SP1: variants seen among roughly 807,000 people sequenced by gnomAD.
SP1 encodes Sp1 transcription factor.
A neutral mutation model predicts 66.3 loss-of-function variants in SP1; 6 were observed. That is an observed-to-expected ratio of 0.09 (90% CI 0.05 to 0.18). The LOEUF is 0.18. Among genes scored for constraint, SP1 ranks in the 10% least tolerant of loss-of-function variants. SP1 has a pLI of 1.00. For missense variants in SP1, 848 were observed against 964.5 expected (o/e 0.88, Z 1.60); for synonymous variants, 417 against 360.8 (o/e 1.16, Z -1.77).
intron 3 of SP1, among the ~76,000 whole-genome samples, chr12:53,396,295 G>A (rs536126467): frequency 4.3e-4 from 62 of 143,998 alleles, no homozygotes; most frequent in Admixed American, 3.8e-3. Flanking sequence ...AAAAGCCAGG[G>A]GCGGTGGCTC....
chr12:53,414,724 G>C lies in SP1; in HGVS notation c.*3484G>C, dbSNP rs912126191. ...AATATCTTCACATTGTGTGAATACT[G>C]GAAGCTGCAGATCTTTGCTAGGACG... On this transcript the variant is annotated 3_prime_UTR_variant, in exon 6 of 6. Coordinates refer to ENST00000327443, the MANE Select transcript of SP1 (RefSeq NM_138473.3). The C allele has an allele frequency of 6.6e-5, 10 of 152,506 alleles. No individual in the cohort carries two copies. Among genetic ancestry groups the C allele is most frequent in the Non-Finnish European group, 1.0e-4 (7 of 68,018 alleles). The allele number at this position is 152,506 out of a possible 1,614,324, so 9.4% of individuals were successfully genotyped here. A position where few individuals can be genotyped will look rare whatever the true frequency, so the allele number is the denominator to read the frequency against.
At chr12:53,398,464 G>A (rs971498219) in intron 3 of SP1, among the ~76,000 whole-genome samples, 12 of 152,124 alleles carry the variant, frequency 7.9e-5, no homozygotes, top group Admixed American at 7.9e-4. Flanking sequence ...TGTATTTTTA[G>A]TAGAGACAGG....
At chr12:53,386,531 A>G (rs1938234303) in intron 3 of SP1, among the ~76,000 whole-genome samples, 1 of 108,304 alleles carries the variant, frequency 9.2e-6, no homozygotes, top group Non-Finnish European at 1.6e-5. Context: ...TCTGTTGCCC[A>G]GGCTGTAGTG....
chr12:53,384,204 C>T (rs551736531), intron 3 of SP1, among the ~76,000 whole-genome samples: 6 of 152,042 alleles, frequency 3.9e-5, no homozygotes, highest in Non-Finnish European at 7.4e-5. Context: ...CTCCTGACCT[C>T]GTGATCCGCC....
intron 3 of SP1, among the ~76,000 whole-genome samples, chr12:53,389,346 C>T (rs1938301070): frequency 6.6e-6 from 1 of 151,158 alleles, no homozygotes; most frequent in Non-Finnish European, 1.5e-5. Flanking sequence ...CTCAGCCTCC[C>T]GAGTAATGCC....
chr12:53,398,709 G>T (rs1355426335), intron 3 of SP1, among the ~76,000 whole-genome samples: 2 of 152,216 alleles, frequency 1.3e-5, no homozygotes, highest in African/African-American at 4.8e-5. Flanking sequence ...TACAGTTTCA[G>T]TGTGGGTAAT....
rs1161108893 is a variant in SP1 at position 53,382,562 on chromosome 12, G to T, written c.615G>T (p.Gln205His). Residue 205 changes from glutamine (Q) to histidine (H), a missense_variant, in exon 3 of 6, where the codon CAG becomes CAT. Coordinates refer to ENST00000327443, the MANE Select transcript of SP1 (RefSeq NM_138473.3). ...AGCAGGATGGTTCTGGTCAAATACA[G>T]ATCATACCAGGTGCAAACCAACAGA... Reference protein sequence around the residue: ...QVQQDGSGQIQIIPGANQQII... With the variant: ...QVQQDGSGQIHIIPGANQQII... 3.1e-6 allele frequency: 5 copies of T among 1,614,058 alleles called. No homozygotes were observed. The East Asian group carries it at 8.9e-5, about 29-fold the overall frequency.
intron 1 of SP1, among the ~76,000 whole-genome samples, chr12:53,380,983 C>CTTTTTTTTT (rs1938083272): frequency 9.3e-6 from 1 of 107,620 alleles, no homozygotes; most frequent in African/African-American, 4.3e-5. Flanking sequence ...GGAGTTTTCG[C>CTTTTTTTTT]TCTTGTTACC....
At chr12:53,381,961 A>G in intron 2 of SP1, 148 bp downstream of exon 2, 1 of 1,056,482 alleles carries the variant, frequency 9.5e-7, no homozygotes, top group Non-Finnish European at 1.3e-6. Context: ...CCAAAGACAA[A>G]GGAGTTTCAG....
intron 3 of SP1, among the ~76,000 whole-genome samples, chr12:53,388,900 AG>A (rs1938286463): frequency 6.6e-6 from 1 of 151,592 alleles, no homozygotes; most frequent in Admixed American, 6.6e-5. Context: ...GGATTGCCTG[AG>A]CCCGGGAGGT....
chr12:53,398,843 A>G (rs968795203), intron 3 of SP1, among the ~76,000 whole-genome samples: 22 of 152,218 alleles, frequency 1.4e-4, no homozygotes, highest in East Asian at 1.9e-4. Flanking sequence ...CAGTCAAACA[A>G]TGCAAAATTA....
intron 3 of SP1, among the ~76,000 whole-genome samples, chr12:53,390,884 C>T (rs1184684641): frequency 1.3e-5 from 2 of 152,082 alleles, no homozygotes; most frequent in Non-Finnish European, 2.9e-5. Context: ...GTTTCAGAAA[C>T]GTTTAGTATC....
intron 3 of SP1, among the ~76,000 whole-genome samples, chr12:53,392,017 A>T (rs937948817): frequency 1.3e-5 from 2 of 151,990 alleles, no homozygotes; most frequent in Non-Finnish European, 1.5e-5. Context: ...TCTGTGCTGT[A>T]ATTTGGATTT....
chr12:53,415,032 T>C lies in SP1; in HGVS notation c.*3792T>C, dbSNP rs1447189700. 6.6e-6 allele frequency: 1 copy of C among 152,536 alleles called. No individual in the cohort carries two copies. Among genetic ancestry groups the C allele is most frequent in the East Asian group, 1.9e-4 (1 of 5,196 alleles). 9.4% of individuals were successfully genotyped at this position (152,536 alleles called of 1,614,324 possible). ...GAGGGAAAATGTGAAATCTCAGAATTTATCTCCCTTAGAAGAGAGCCAGTA... is the reference window on the plus strand; with the variant it reads ...GAGGGAAAATGTGAAATCTCAGAATCTATCTCCCTTAGAAGAGAGCCAGTA... On this transcript the variant is annotated 3_prime_UTR_variant, in exon 6 of 6. Transcript: ENST00000327443.
intron 1 of SP1, 111 bp downstream of exon 1, chr12:53,380,409 C>A: frequency 1.0e-6 from 1 of 966,612 alleles, no homozygotes; most frequent in Non-Finnish European, 1.4e-6. Flanking sequence ...GAGGCGGCGG[C>A]GGCGGCGGCC....
Position 53,380,191 on chromosome 12 carries a change from T to C in SP1, c.-101T>C. 1.3e-6 allele frequency: 1 copy of C among 780,654 alleles called. No individual in the cohort carries two copies. Among genetic ancestry groups the C allele is most frequent in the Non-Finnish European group, 2.2e-6 (1 of 447,994 alleles). 48.4% of individuals were successfully genotyped at this position (780,654 alleles called of 1,614,324 possible). ...CCTCCTCCTTACCCCCCCCTCCCTGTCCGGTCCGGGTTCGCTTGCCTCGTC... is the reference window on the plus strand; with the variant it reads ...CCTCCTCCTTACCCCCCCCTCCCTGCCCGGTCCGGGTTCGCTTGCCTCGTC... On this transcript the variant is annotated 5_prime_UTR_variant, in exon 1 of 6. Transcript: ENST00000327443.
In SP1 at chr12:53,413,707, G is replaced by T. The variant is rs1254985450; in HGVS notation, c.*2467G>T. On this transcript the variant is annotated 3_prime_UTR_variant, in exon 6 of 6. Coordinates refer to ENST00000327443, the MANE Select transcript of SP1 (RefSeq NM_138473.3). ...CTTTGGCATCTTTTGGAGGAAAGGG[G>T]CAGGATAACTCACTGGAATGTACAG... 1 of 152,520 alleles carries T rather than the reference G, an allele frequency of 6.6e-6. No individual in the cohort carries two copies. Among genetic ancestry groups the T allele is most frequent in the Non-Finnish European group, 1.5e-5 (1 of 68,038 alleles). The allele number at this position is 152,520 out of a possible 1,614,324, so 9.4% of individuals were successfully genotyped here.
chr12:53,383,411 G>C lies in SP1; in HGVS notation c.1464G>C (p.Gln488His). Reference sequence around the variant, plus strand: ...AAACAATCACCTTAGCCCCAATGCAGGGTGTTTCCTTGGGGCAGACCAGCA... The same window carrying C: ...AAACAATCACCTTAGCCCCAATGCACGGTGTTTCCTTGGGGCAGACCAGCA... ...QAQTITLAPMQGVSLGQTSSS... is the reference protein window; with the variant it reads ...QAQTITLAPMHGVSLGQTSSS... The change falls in exon 3 of 6, where the codon CAG becomes CAC. Residue 488 changes from glutamine (Q) to histidine (H), a missense_variant. Gln to His is a conservative substitution (Grantham distance 24). Transcript: ENST00000327443. 6.2e-7 allele frequency: 1 copy of C among 1,614,176 alleles called. No individual in the cohort carries two copies. Among genetic ancestry groups the C allele is most frequent in the Non-Finnish European group, 8.5e-7 (1 of 1,180,012 alleles).
Position 53,383,030 on chromosome 12 carries a change from G to A in SP1, c.1083G>A (p.Gly361=), listed in dbSNP as rs955684039. 6.2e-7 allele frequency: 1 copy of A among 1,614,162 alleles called. No homozygotes were observed. The highest frequency in any genetic ancestry group is 1.3e-5 in the African/African-American group (1 of 75,052). Residue 361 remains glycine, a synonymous_variant, in exon 3 of 6, where the codon GGG becomes GGA. Coordinates refer to ENST00000327443, the MANE Select transcript of SP1 (RefSeq NM_138473.3). ...SQGQTPQRVS[G]LQGSDALNIQ... is the part of the protein sequence containing the mutation. ...GCCAGACACCCCAGAGGGTCAGTGGGCTACAGGGGTCTGATGCTCTGAACA... is the reference window on the plus strand; with the variant it reads ...GCCAGACACCCCAGAGGGTCAGTGGACTACAGGGGTCTGATGCTCTGAACA...
Sources: gnomAD v4.1 joint callset for allele counts (sites outside exome capture counted in the v4.1 genomes callset) on GRCh38, gnomAD v4.1.1 for gene constraint, MANE v1.5 for transcripts, NCBI Gene and HGNC (gene_info 2026-07-23, HGNC 2026-07-21) for gene names.